The following SUPT3H variants were observed in gnomAD, a reference collection of about 807,000 sequenced individuals.
SUPT3H encodes SPT3 homolog, SAGA and STAGA complex component, also known as transcription initiation protein SPT3 homolog.
Under a neutral mutation model 44.3 loss-of-function variants are expected in SUPT3H, and 44 were observed. The ratio of observed to expected loss-of-function variants is 0.99; its 90% CI spans 0.78 to 1.28. The LOEUF is 1.28. Among genes scored for constraint, SUPT3H ranks in the 50% most tolerant of loss-of-function variants. The probability of loss-of-function intolerance (pLI) is 0.00; values close to 1 mark genes in which losing one functional copy is unlikely to be tolerated. For missense variants in SUPT3H, 380 were observed against 387.1 expected (o/e 0.98, Z 0.15); for synonymous variants, 124 against 125.6 (o/e 0.99, Z 0.09).
rs188243028 is a variant in SUPT3H at position 45,323,484 on chromosome 6, A to G, written c.101+41717T>C. 7.5e-3 allele frequency among the ~76,000 whole-genome samples: 1,134 copies of G among 152,188 alleles called. 6 individuals are homozygous for G. The highest frequency in any genetic ancestry group is 0.028 in the Admixed American group (430 of 15,252). On this transcript the variant is annotated intron_variant, in intron 2 of 10. Coordinates refer to ENST00000371459, the MANE Select transcript of SUPT3H (RefSeq NM_003599.4). Reference sequence around the variant, plus strand: ...AGCACATAGACTGATAGAGCAAGCCATTAACATGAATAAAGAGCAAGAAAA... The same window carrying G: ...AGCACATAGACTGATAGAGCAAGCCGTTAACATGAATAAAGAGCAAGAAAA...
intron 10 of SUPT3H, among the ~76,000 whole-genome samples, chr6:44,915,372 T>C (rs1013404983): frequency 2.0e-5 from 3 of 152,212 alleles, no homozygotes; most frequent in Non-Finnish European, 4.4e-5. Context: ...CTGTCTTGAA[T>C]AATTTACGGT....
chr6:44,830,018 C>CCA, intron 10 of SUPT3H, 161 bp from the exon 11 acceptor site: 1 of 640,668 alleles, frequency 1.6e-6, no homozygotes, highest in Non-Finnish European at 2.7e-6. Context: ...ACTATAGCAA[C>CCA]CATTCTGTCT....
At chr6:45,366,135 T>A (rs1326756578) in intron 1 of SUPT3H, among the ~76,000 whole-genome samples, 1 of 152,234 alleles carries the variant, frequency 6.6e-6, no homozygotes, top group East Asian at 1.9e-4. Flanking sequence ...TTATTTCATA[T>A]GCTTGCATAA....
intron 2 of SUPT3H, among the ~76,000 whole-genome samples, chr6:45,155,726 C>T (rs1038367460): frequency 6.6e-6 from 1 of 152,068 alleles, no homozygotes; most frequent in African/African-American, 2.4e-5. Context: ...TTCACTGTTA[C>T]ATAATTATAG....
intron 2 of SUPT3H, among the ~76,000 whole-genome samples, chr6:45,306,721 C>T (rs1446533322): frequency 3.3e-5 from 5 of 152,162 alleles, no homozygotes; most frequent in Non-Finnish European, 2.9e-5. Flanking sequence ...ACACAGAAGA[C>T]GGGTGATTTC....
chr6:45,188,691 A>G (rs1814648903), intron 2 of SUPT3H, among the ~76,000 whole-genome samples: 1 of 152,130 alleles, frequency 6.6e-6, no homozygotes, highest in Non-Finnish European at 1.5e-5. Context: ...GATCATATAA[A>G]CTGATGCTGA....
intron 2 of SUPT3H, among the ~76,000 whole-genome samples, chr6:45,364,479 TATA>T (rs553807941): frequency 3.1e-4 from 47 of 152,302 alleles, no homozygotes; most frequent in African/African-American, 1.1e-3. Context: ...AGAAGAGCAC[TATA>T]ATATCTTGCC....
At chr6:45,062,481 C>G (rs527789262) in intron 3 of SUPT3H, among the ~76,000 whole-genome samples, 1 of 152,314 alleles carries the variant, frequency 6.6e-6, no homozygotes, top group Admixed American at 6.5e-5. Flanking sequence ...ATAGGAACAG[C>G]TCCGGTCTAC....
chr6:44,904,671 T>C (rs566588205), intron 10 of SUPT3H, among the ~76,000 whole-genome samples: 28 of 152,268 alleles, frequency 1.8e-4, no homozygotes, highest in African/African-American at 5.5e-4. Context: ...AAAAACTACT[T>C]TAAAGTTCAT....
intron 2 of SUPT3H, among the ~76,000 whole-genome samples, chr6:45,301,177 G>C (rs1042492720): frequency 1.3e-5 from 2 of 151,994 alleles, no homozygotes; most frequent in African/African-American, 4.8e-5. Flanking sequence ...GTGAGGGATA[G>C]GTAAATAAAC....
chr6:45,277,587 G>C (rs1777240372), intron 2 of SUPT3H, among the ~76,000 whole-genome samples: 3 of 152,096 alleles, frequency 2.0e-5, no homozygotes, highest in Non-Finnish European at 4.4e-5. Context: ...AAGTAGGTGG[G>C]AATTATTACA....
chr6:45,145,034 A>G (rs1805818506), intron 2 of SUPT3H, among the ~76,000 whole-genome samples: 1 of 152,140 alleles, frequency 6.6e-6, no homozygotes, highest in South Asian at 2.1e-4. Context: ...ACACAAATAG[A>G]AACACATCCC....
chr6:45,100,803 G>C (rs761540336), intron 3 of SUPT3H, among the ~76,000 whole-genome samples: 1 of 151,978 alleles, frequency 6.6e-6, no homozygotes, highest in Non-Finnish European at 1.5e-5. Context: ...ACAATAAAAA[G>C]CTAAAAATAG....
At chr6:45,124,609 C>CA (rs1802152299) in intron 2 of SUPT3H, among the ~76,000 whole-genome samples, 1 of 148,730 alleles carries the variant, frequency 6.7e-6, no homozygotes, top group East Asian at 2.0e-4. Context: ...TGCAGCACTG[C>CA]ACTCCAGGCT....
At chr6:45,125,503 A>G (rs1802298659) in intron 2 of SUPT3H, among the ~76,000 whole-genome samples, 1 of 152,168 alleles carries the variant, frequency 6.6e-6, no homozygotes, top group Non-Finnish European at 1.5e-5. Context: ...TCTTCCTCTC[A>G]TAGAGTATGG....
chr6:45,160,389 T>C (rs1340332378), intron 2 of SUPT3H, among the ~76,000 whole-genome samples: 1 of 152,168 alleles, frequency 6.6e-6, no homozygotes, highest in Non-Finnish European at 1.5e-5. Context: ...AAATGTTTTC[T>C]TGAAAATCAG....
At chr6:44,950,534 T>C (rs1774116664) in intron 9 of SUPT3H, among the ~76,000 whole-genome samples, 2 of 152,066 alleles carry the variant, frequency 1.3e-5, no homozygotes, top group South Asian at 4.1e-4. Context: ...ATGGCTTGAG[T>C]CCAGGAGATC....
chr6:45,013,086 T>C (rs1783733933), intron 5 of SUPT3H, among the ~76,000 whole-genome samples: 1 of 152,122 alleles, frequency 6.6e-6, no homozygotes, highest in African/African-American at 2.4e-5. Flanking sequence ...CTCCACTGTT[T>C]CTGATAATAC....
chr6:45,323,755 A>G (rs1366972723), intron 2 of SUPT3H, among the ~76,000 whole-genome samples: 1 of 152,090 alleles, frequency 6.6e-6, no homozygotes, highest in Non-Finnish European at 1.5e-5. Context: ...CTTTTCCAAG[A>G]AAGCTAATAT....
Sources: gnomAD v4.1 joint callset for allele counts (sites outside exome capture counted in the v4.1 genomes callset) on GRCh38, gnomAD v4.1.1 for gene constraint, MANE v1.5 for transcripts, NCBI Gene and HGNC (gene_info 2026-07-23, HGNC 2026-07-21) for gene names.